TENT4B: variants seen among roughly 807,000 people sequenced by gnomAD.
TENT4B encodes the protein terminal nucleotidyltransferase 4B.
In TENT4B, 10 loss-of-function variants were observed where a neutral mutation model predicts 75.0. That is an observed-to-expected ratio of 0.13 (90% confidence interval 0.08 to 0.23). The LOEUF is 0.23. Among genes scored for constraint, TENT4B ranks in the 10% least tolerant of loss-of-function variants. The pLI is 1.00. For missense variants in TENT4B, 579 were observed against 893.8 expected, an observed-to-expected ratio of 0.65 and a Z score of 4.49; for synonymous variants, 350 against 357.7, an observed-to-expected ratio of 0.98 and a Z score of 0.24.
intron 5 of TENT4B, among the ~76,000 whole-genome samples, chr16:50,221,500 A>AGTC (rs937504968): frequency 2.6e-5 from 4 of 152,256 alleles, no homozygotes; most frequent in African/African-American, 7.2e-5. Flanking sequence ...GTCTGTGTGT[A>AGTC]GTCATCAGCC....
intron 1 of TENT4B, among the ~76,000 whole-genome samples, chr16:50,204,443 T>C (rs947050374): frequency 6.6e-6 from 1 of 152,092 alleles, no homozygotes; most frequent in Non-Finnish European, 1.5e-5. Flanking sequence ...GGAGTAGGAA[T>C]AGGTTTAAGA....
chr16:50,231,741 A>G lies in TENT4B; in HGVS notation c.*2413A>G. ...GTATACATTTCCTCAAATGACCAGC[A>G]TTGTATTCGTGAATACTGTGTATCT... On this transcript the variant is annotated 3_prime_UTR_variant, in exon 12 of 12. Transcript: ENST00000561678. 1 of 985,870 alleles carries G rather than the reference A, an allele frequency of 1.0e-6. No individual in the cohort carries two copies. The allele number at this position is 985,870 out of a possible 1,614,324, so 61.1% of individuals were successfully genotyped here. A position where few individuals can be genotyped will look rare whatever the true frequency, so the allele number is the denominator to read the frequency against.
intron 1 of TENT4B, among the ~76,000 whole-genome samples, chr16:50,162,460 C>T (rs768160753): frequency 3.3e-5 from 5 of 152,164 alleles, no homozygotes; most frequent in Non-Finnish European, 4.4e-5. Flanking sequence ...TCTCTGCATC[C>T]TTGCTAGCAT....
At position 50,229,699 on chromosome 16, in the gene TENT4B, G is replaced by C; in HGVS notation, c.*371G>C. On this transcript the variant is annotated 3_prime_UTR_variant, in exon 12 of 12. Transcript: ENST00000561678. ...GGTAGGGTGATAGAAACAAAAAACA[G>C]TATCAGAGGATGAGGTGGGGAAGGA... 5.0e-6 allele frequency: 5 copies of C among 993,842 alleles called. No homozygotes were observed. The highest frequency in any genetic ancestry group is 6.0e-6 in the Non-Finnish European group (5 of 835,528). The allele number at this position is 993,842 out of a possible 1,614,324, so 61.6% of individuals were successfully genotyped here.
Position 50,154,083 on chromosome 16 carries a change from C to T in TENT4B, c.462C>T (p.Ala154=), listed in dbSNP as rs1272669633. 2.0e-6 allele frequency: 3 copies of T among 1,530,004 alleles called. No individual in the cohort carries two copies. The African/African-American group carries it at 4.1e-5, about 21-fold the overall frequency. The allele number at this position is 1,530,004 out of a possible 1,614,324, so 94.8% of individuals were successfully genotyped here. Residue 154 remains alanine (A), a synonymous_variant, in exon 1 of 12, where the codon GCC becomes GCT. Coordinates refer to ENST00000561678, the MANE Select transcript of TENT4B (RefSeq NM_001365324.3). ...CCGCCGCCGATCCAGCCGATTCGGC[C>T]TCGGGCAGCAGCAACAAGAGGAAGC... ...AVPAADPADS[A]SGSSNKRKRD...
At chr16:50,217,000 G>A (rs912789527) in intron 4 of TENT4B, among the ~76,000 whole-genome samples, 11 of 152,196 alleles carry the variant, frequency 7.2e-5, no homozygotes, top group Non-Finnish European at 4.4e-5. Context: ...AGTAATGCAA[G>A]TGGGTTGTAG....
chr16:50,225,037 T>C, intron 9 of TENT4B, 43 bp downstream of exon 9: 1 of 1,609,130 alleles, frequency 6.2e-7, no homozygotes, highest in Non-Finnish European at 8.5e-7. Flanking sequence ...ATTAGAGGCT[T>C]TTCTGTGTTG....
chr16:50,215,464 T>G (rs1286714030), intron 3 of TENT4B, among the ~76,000 whole-genome samples: 1 of 152,172 alleles, frequency 6.6e-6, no homozygotes, highest in Non-Finnish European at 1.5e-5. Flanking sequence ...CTTAAAAAAT[T>G]TAATTAAATT....
intron 1 of TENT4B, among the ~76,000 whole-genome samples, chr16:50,202,830 G>C (rs2030731524): frequency 6.6e-6 from 1 of 152,114 alleles, no homozygotes; most frequent in Non-Finnish European, 1.5e-5. Context: ...AGAATCGCGT[G>C]GTTTTCATTA....
intron 1 of TENT4B, among the ~76,000 whole-genome samples, chr16:50,202,829 T>C (rs1486037570): frequency 6.6e-6 from 1 of 152,162 alleles, no homozygotes; most frequent in African/African-American, 2.4e-5. Context: ...GAGAATCGCG[T>C]GGTTTTCATT....
intron 2 of TENT4B, among the ~76,000 whole-genome samples, chr16:50,212,412 C>T (rs1343494103): frequency 3.3e-5 from 5 of 152,082 alleles, no homozygotes; most frequent in Non-Finnish European, 7.4e-5. Flanking sequence ...AGGGCCTGTT[C>T]TACAATTTTG....
rs1376717635 is a variant in TENT4B at position 50,227,893 on chromosome 16, A to G, written c.1855A>G (p.Thr619Ala). 4.3e-6 allele frequency: 7 copies of G among 1,613,912 alleles called. No individual in the cohort carries two copies. Among genetic ancestry groups the G allele is most frequent in the East Asian group, 2.2e-5 (1 of 44,888 alleles). The change falls in exon 11 of 12, where the codon ACT becomes GCT. Residue 619 changes from threonine to alanine, a missense_variant. Thr to Ala is a moderately conservative substitution (Grantham distance 58, BLOSUM62 0). Coordinates refer to ENST00000561678, the MANE Select transcript of TENT4B (RefSeq NM_001365324.3). Reference sequence around the variant, plus strand: ...GAAACAGCTGCTTTGCCGTCCGTCCACTGGGAACCGAGTAGGGTCGCAAGA... The same window carrying G: ...GAAACAGCTGCTTTGCCGTCCGTCCGCTGGGAACCGAGTAGGGTCGCAAGA... ...TPKQLLCRPSTGNRVGSQDVS... is the reference protein window; with the variant it reads ...TPKQLLCRPSAGNRVGSQDVS...
chr16:50,162,849 T>C (rs1451319834), intron 1 of TENT4B, among the ~76,000 whole-genome samples: 1 of 152,212 alleles, frequency 6.6e-6, no homozygotes, highest in Non-Finnish European at 1.5e-5. Context: ...GAGAGTCCTG[T>C]CTTTTCATAT....
In TENT4B at chr16:50,231,505, T is replaced by TA; in HGVS notation, c.*2180dup. ...AAAGAATCACCCTCATTGTTGAAAG[T>TA]AAATGTACTCTTAGGGTGCGAATAT... On this transcript the variant is annotated 3_prime_UTR_variant, in exon 12 of 12. Transcript: ENST00000561678. 1 of 985,850 alleles carries TA rather than the reference T, an allele frequency of 1.0e-6. No individual in the cohort carries two copies. Among genetic ancestry groups the TA allele is most frequent in the Non-Finnish European group, 1.2e-6 (1 of 829,906 alleles). 61.1% of individuals were successfully genotyped at this position (985,850 alleles called of 1,614,324 possible). A position where few individuals can be genotyped will look rare whatever the true frequency, so the allele number is the denominator to read the frequency against.
At chr16:50,155,412 A>G (rs2037879237) in intron 1 of TENT4B, among the ~76,000 whole-genome samples, 1 of 151,898 alleles carries the variant, frequency 6.6e-6, no homozygotes, top group Non-Finnish European at 1.5e-5. Context: ...CCAATTAGTA[A>G]TCCCATGTGA....
intron 1 of TENT4B, among the ~76,000 whole-genome samples, chr16:50,180,943 G>T (rs1196350557): frequency 1.3e-5 from 2 of 152,132 alleles, no homozygotes; most frequent in Non-Finnish European, 2.9e-5. Context: ...CCTTAAAATA[G>T]AATAGTTTTC....
At position 50,224,535 on chromosome 16, in the gene TENT4B, A is replaced by C. The variant is rs1284577092; in HGVS notation, c.1382-122A>C. On this transcript the variant is annotated intron_variant, in intron 7 of 11. Coordinates refer to ENST00000561678, the MANE Select transcript of TENT4B (RefSeq NM_001365324.3). The stretch of plus-strand genomic sequence containing the variant: ...GAGCTTTGGGGACAGCTCACAGCTC[A>C]GCTTCCAGGCACAACTCTGGTGGGA... 3.2e-6 allele frequency: 4 copies of C among 1,243,116 alleles called. No homozygotes were observed. The African/African-American group carries it at 4.5e-5, about 14-fold the overall frequency. The allele number at this position is 1,243,116 out of a possible 1,614,324, so 77.0% of individuals were successfully genotyped here.
In TENT4B at chr16:50,222,291, A is replaced by G; in HGVS notation, c.1039-15A>G. On this transcript the variant is annotated splice_polypyrimidine_tract_variant and intron_variant, in intron 5 of 11. Transcript: ENST00000561678. ...TGATACAGGAATTCATTGAAAATACAATTTTCTTTTTCAGAAATATCCTGT... is the reference window on the plus strand; with the variant it reads ...TGATACAGGAATTCATTGAAAATACGATTTTCTTTTTCAGAAATATCCTGT... 1.3e-6 allele frequency: 2 copies of G among 1,567,582 alleles called. No homozygotes were observed. The highest frequency in any genetic ancestry group is 8.7e-7 in the Non-Finnish European group (1 of 1,154,186).
At position 50,234,012 on chromosome 16, in the gene TENT4B, A is replaced by G; in HGVS notation, c.*4684A>G. On this transcript the variant is annotated 3_prime_UTR_variant, in exon 12 of 12. Coordinates refer to ENST00000561678, the MANE Select transcript of TENT4B (RefSeq NM_001365324.3). ...GTCTTTGTGGCTTCACCACTGAGCT[A>G]CCTTTCACTACACCAGCTTCTGTGT... 1.0e-6 allele frequency: 1 copy of G among 985,430 alleles called. No homozygotes were observed. The highest frequency in any genetic ancestry group is 4.7e-5 in the South Asian group (1 of 21,288). The allele number at this position is 985,430 out of a possible 1,614,324, so 61.0% of individuals were successfully genotyped here.
Sources: gnomAD v4.1 joint callset for allele counts (sites outside exome capture counted in the v4.1 genomes callset) on GRCh38, gnomAD v4.1.1 for gene constraint, MANE v1.5 for transcripts, NCBI Gene and HGNC (gene_info 2026-07-23, HGNC 2026-07-21) for gene names.